The following STAP2 variants were observed in gnomAD, a reference collection of about 807,000 sequenced individuals.
STAP2 encodes the protein signal-transducing adaptor protein 2.
Under a neutral mutation model 52.7 loss-of-function variants are expected in STAP2, and 58 were observed. The ratio of observed to expected loss-of-function variants is 1.10; its 90% CI spans 0.89 to 1.37. The LOEUF (loss-of-function observed/expected upper bound fraction) is 1.37. Among genes scored for constraint, STAP2 ranks in the 40% most tolerant of loss-of-function variants. STAP2 has a pLI of 0.00. For synonymous variants in STAP2, 231 were observed against 210.5 expected, an observed-to-expected ratio of 1.10 and a Z score of -0.84; for missense variants, 522 against 519.4, an observed-to-expected ratio of 1.00 and a Z score of -0.05.
In STAP2 at chr19:4,330,021, A is replaced by G. The variant is rs1371896295; in HGVS notation, c.395T>C (p.Leu132Pro). The change falls in exon 5 of 13, where the codon CTA becomes CCA. Residue 132 changes from leucine to proline, a missense_variant. Leu to Pro is a moderately conservative substitution (Grantham distance 98). Transcript: ENST00000594605. ...GGCCAAGACTTCAGACATCATGTAT[A>G]GGTGCCCAGGAAGCAGGGTCAAGTC... ...PTDLTLLPGH[L>P]YMMSEVLAKE... 7 of 1,613,614 alleles carry G rather than the reference A, an allele frequency of 4.3e-6. No homozygotes were observed. In the Middle Eastern group the frequency reaches 4.9e-4, roughly 114 times the overall value.
Position 4,327,151 on chromosome 19 carries a change from A to G in STAP2, c.736T>C (p.Leu246=). ...HTKKALVPFL[L]DEDYEKVLGY... ...AGCACCTTCTCGTAGTCCTCGTCTA[A>G]CAGGAATGGCACCAGCGCCTTTTTG... Residue 246 remains leucine, a synonymous_variant, in exon 8 of 13, where the codon TTA becomes CTA. Coordinates refer to ENST00000594605, the MANE Select transcript of STAP2 (RefSeq NM_001013841.2). 1.2e-6 allele frequency: 2 copies of G among 1,614,204 alleles called. No homozygotes were observed. The highest frequency in any genetic ancestry group is 8.5e-7 in the Non-Finnish European group (1 of 1,180,018).
At chr19:4,333,138 C>T (rs1971920589) in intron 3 of STAP2, among the ~76,000 whole-genome samples, 1 of 148,584 alleles carries the variant, frequency 6.7e-6, no homozygotes, top group Non-Finnish European at 1.5e-5. Flanking sequence ...TGTAGTGAGC[C>T]AAGATTGCAC....
Position 4,324,102 on chromosome 19 carries a change from G to C in STAP2, c.*31C>G. The C allele has an allele frequency of 6.5e-7, 1 of 1,549,682 alleles. No homozygotes were observed. Among genetic ancestry groups the C allele is most frequent in the Non-Finnish European group, 8.7e-7 (1 of 1,145,524 alleles). On this transcript the variant is annotated 3_prime_UTR_variant, in exon 13 of 13. Coordinates refer to ENST00000594605, the MANE Select transcript of STAP2 (RefSeq NM_001013841.2). ...ATCTGGCCGCTGGGCCATGCCCTGG[G>C]ACTAGCCCGCTGGTCCCTGGTGTGT...
At chr19:4,333,026 C>A (rs1219239904) in intron 3 of STAP2, among the ~76,000 whole-genome samples, 2 of 150,958 alleles carry the variant, frequency 1.3e-5, no homozygotes, top group Non-Finnish European at 3.0e-5. Flanking sequence ...CCTGTCTCTA[C>A]CAAAAATACA....
At position 4,332,098 on chromosome 19, in the gene STAP2, A is replaced by G. The variant is rs778840027; in HGVS notation, c.298-20T>C. 1.9e-6 allele frequency: 3 copies of G among 1,606,574 alleles called. No homozygotes were observed. Among genetic ancestry groups the G allele is most frequent in the South Asian group, 2.2e-5 (2 of 89,298 alleles). On this transcript the variant is annotated intron_variant, in intron 3 of 12. Transcript: ENST00000594605. ...CTCTACCTGGGGAACAAAAGAAAGGAAAGAATCCAAGTCAGTGAGCCTCAG... is the reference window on the plus strand; with the variant it reads ...CTCTACCTGGGGAACAAAAGAAAGGGAAGAATCCAAGTCAGTGAGCCTCAG...
chr19:4,331,522 C>T (rs990914717), intron 4 of STAP2, among the ~76,000 whole-genome samples: 18 of 150,218 alleles, frequency 1.2e-4, no homozygotes, highest in Non-Finnish European at 2.5e-4. Flanking sequence ...CCCAGCTACT[C>T]GGGAGGCTGA....
At chr19:4,330,183 G>A in intron 4 of STAP2, 122 bp from the exon 5 acceptor site, 1 of 718,484 alleles carries the variant, frequency 1.4e-6, no homozygotes, top group South Asian at 1.6e-5. Context: ...CACCTTAGAG[G>A]GCAAAGAGGG....
chr19:4,327,334 C>T lies in STAP2; in HGVS notation c.642G>A (p.Val214=), dbSNP rs141244385. 51 of 1,614,156 alleles carry T rather than the reference C, an allele frequency of 3.2e-5. No individual in the cohort carries two copies. In the African/African-American group the frequency reaches 6.4e-4, roughly 20 times the overall value. ...CGCTCACCGGCTGTTCCACATCGAT[C>T]ACGTACTTGGGGCCCTCCCGCTTCA... ...YKVKREGPKY[V]IDVEQPFSCT... is the part of the protein sequence containing the mutation. The change falls in exon 7 of 13, where the codon GTG becomes GTA. Residue 214 remains valine (V), a synonymous_variant. Transcript: ENST00000594605.
chr19:4,333,936 G>C (rs1394614548), intron 2 of STAP2, 37 bp downstream of exon 2: 1 of 1,610,266 alleles, frequency 6.2e-7, no homozygotes, highest in African/African-American at 1.3e-5. Flanking sequence ...TGGGCTCAAG[G>C]GAAGGCCTGC....
At chr19:4,336,930 G>A (rs926127483) in intron 1 of STAP2, among the ~76,000 whole-genome samples, 3 of 151,980 alleles carry the variant, frequency 2.0e-5, no homozygotes, top group Middle Eastern at 3.4e-3. Context: ...CCACAAGCCC[G>A]GCCTCCCCCA....
At position 4,334,048 on chromosome 19, in the gene STAP2, G is replaced by A. The variant is rs1398542707; in HGVS notation, c.103-4C>T. On this transcript the variant is annotated splice_polypyrimidine_tract_variant and splice_region_variant and intron_variant, in intron 1 of 12. Transcript: ENST00000594605. ...CTGCCCAGAACTTCTTGTAATCCTA[G>A]GGACCAGAAGTGCAGAAAGAAGAGG... 1.2e-6 allele frequency: 2 copies of A among 1,606,364 alleles called. No individual in the cohort carries two copies. The highest frequency in any genetic ancestry group is 1.3e-5 in the African/African-American group (1 of 74,490).
At chr19:4,335,410 C>T (rs554514604) in intron 1 of STAP2, among the ~76,000 whole-genome samples, 495 of 151,340 alleles carry the variant, frequency 3.3e-3, no homozygotes, top group African/African-American at 0.011. Context: ...ACCCGTCTGC[C>T]CACTCATCCA....
chr19:4,334,129 C>T, intron 1 of STAP2, 85 bp from the exon 2 acceptor site: 2 of 1,196,882 alleles, frequency 1.7e-6, no homozygotes, highest in Non-Finnish European at 2.4e-6. Context: ...GGGGCCTTTG[C>T]ACTGGTTGTG....
rs1971930846 is a variant in STAP2, at chr19:4,333,795, C to A, written c.196G>T (p.Gly66Ter). 6.2e-7 allele frequency: 1 copy of A among 1,613,700 alleles called. No homozygotes were observed. Among genetic ancestry groups the A allele is most frequent in the African/African-American group, 1.3e-5 (1 of 74,896 alleles). ...DFQHVEKLNL[G>*]AFEKLTDEIP... is the part of the protein sequence containing the mutation. ...TCATCTGTGAGTTTCTCAAATGCTCCCAAGTTGAGCTTCTCCACGTGCTGG... is the reference window on the plus strand; with the variant it reads ...TCATCTGTGAGTTTCTCAAATGCTCACAAGTTGAGCTTCTCCACGTGCTGG... Residue 66 changes from glycine to a stop codon, truncating the protein, a stop_gained, in exon 3 of 13, where the codon GGA (glycine) becomes TGA (stop). Coordinates refer to ENST00000594605, the MANE Select transcript of STAP2 (RefSeq NM_001013841.2). LOFTEE classifies it high-confidence loss of function.
intron 8 of STAP2, 27 bp downstream of exon 8, chr19:4,327,097 C>G: frequency 6.2e-7 from 1 of 1,613,380 alleles, no homozygotes; most frequent in Non-Finnish European, 8.5e-7. Context: ...AGCACTGGGC[C>G]CCCGAACTCC....
In STAP2 at chr19:4,334,023, C is replaced by T; in HGVS notation, c.124G>A (p.Gly42Ser). 1 of 1,611,600 alleles carries T rather than the reference C, an allele frequency of 6.2e-7. No individual in the cohort carries two copies. The highest frequency in any genetic ancestry group is 8.5e-7 in the Non-Finnish European group (1 of 1,179,172). ...AAATAAATGGTGAGACCCTGCAGGC[C>T]TGCCCAGAACTTCTTGTAATCCTAG... is the stretch of plus-strand genomic sequence containing the variant. ...CDRDYKKFWA[G>S]LQGLTIYFYN... is the part of the protein sequence containing the mutation. Residue 42 changes from glycine (G) to serine (S), a missense_variant, in exon 2 of 13, where the codon GGC (glycine) becomes AGC (serine). Coordinates refer to ENST00000594605, the MANE Select transcript of STAP2 (RefSeq NM_001013841.2).
chr19:4,335,545 A>C (rs1599555939), intron 1 of STAP2, among the ~76,000 whole-genome samples: 1 of 151,942 alleles, frequency 6.6e-6, no homozygotes, highest in Non-Finnish European at 1.5e-5. Context: ...CCCCCCATCT[A>C]CCCATCCACC....
rs1185192214 is a variant in STAP2, at chr19:4,324,365, GA to G, written c.1147+89del. The G allele has an allele frequency of 2.3e-5, 31 of 1,359,808 alleles. No individual in the cohort carries two copies. In the East Asian group the frequency reaches 7.5e-4, roughly 33 times the overall value. 84.2% of individuals were successfully genotyped at this position (1,359,808 alleles called of 1,614,324 possible). A position where few individuals can be genotyped will look rare whatever the true frequency, so the allele number is the denominator to read the frequency against. ...AGACAGAGACAGCAGAACCTTAAAA[GA>G]CAGGGCGCTTCGGAGTGTGGGGACT... On this transcript the variant is annotated intron_variant, in intron 12 of 12. Transcript: ENST00000594605.
chr19:4,337,147 T>C (rs1971993259), intron 1 of STAP2, among the ~76,000 whole-genome samples: 1 of 151,860 alleles, frequency 6.6e-6, no homozygotes, highest in Non-Finnish European at 1.5e-5. Context: ...CTCACACCTC[T>C]AATCCCAGCA....
Sources: allele counts gnomAD v4.1 joint callset (sites outside exome capture counted in the v4.1 genomes callset), GRCh38; gene constraint gnomAD v4.1.1; transcripts MANE v1.5; gene names NCBI Gene and HGNC (gene_info 2026-07-23, HGNC 2026-07-21).